SV2C: variants seen among roughly 807,000 people sequenced by gnomAD.
SV2C encodes the protein synaptic vesicle glycoprotein 2C.
In SV2C, 49 loss-of-function variants were observed where a neutral mutation model predicts 79.7. The observed-to-expected ratio is 0.61, with a 90% confidence interval of 0.49 to 0.78. The LOEUF is 0.78. Ranked by LOEUF, SV2C falls within the 30% of genes least tolerant of loss-of-function variation. SV2C has a pLI of 0.00. For missense variants in SV2C, 833 were observed against 912.9 expected (o/e 0.91, Z 1.13); for synonymous variants, 334 against 333.2 (o/e 1.00, Z -0.03).
At chr5:76,026,881 G>A in the SV2C span, among the ~76,000 whole-genome samples, 19 of 152,078 alleles carry the variant, frequency 1.2e-4, no homozygotes, top group Non-Finnish European at 1.2e-4. Flanking sequence ...GGTGGATGAG[G>A]TGCAAATGGA....
In SV2C at chr5:76,235,049, T is replaced by C. The variant is rs150131025; in HGVS notation, c.913+25162T>C. On this transcript the variant is annotated intron_variant, in intron 4 of 12. Transcript: ENST00000502798. ...ATTTTGCTTTTAAAGCCAGCTAACA[T>C]TCCACTTTTCCTATCGTAATTAACT... Among the ~76,000 whole-genome samples the C allele has an allele frequency of 6.6e-5, 10 of 152,320 alleles. No homozygotes were observed. In the East Asian group the frequency reaches 1.9e-3, roughly 29 times the overall value.
chr5:76,312,625 C>T (rs1304001139), intron 12 of SV2C, among the ~76,000 whole-genome samples: 1 of 152,196 alleles, frequency 6.6e-6, no homozygotes, highest in Admixed American at 6.5e-5. Context: ...ATGCAGCCCA[C>T]GCTCTCAGGG....
the SV2C span, among the ~76,000 whole-genome samples, chr5:76,069,146 G>A: frequency 5.3e-5 from 8 of 152,196 alleles, no homozygotes; most frequent in Non-Finnish European, 1.2e-4. Flanking sequence ...CATAAGAAAT[G>A]AGCAGAAGAA....
the SV2C span, among the ~76,000 whole-genome samples, chr5:75,936,837 G>A: frequency 6.6e-6 from 1 of 152,186 alleles, no homozygotes; most frequent in Admixed American, 6.5e-5. Context: ...GGAACTGATT[G>A]CCAGTTGAGC....
chr5:76,222,111 G>A (rs924768760), intron 4 of SV2C, among the ~76,000 whole-genome samples: 2 of 152,178 alleles, frequency 1.3e-5, no homozygotes, highest in African/African-American at 4.8e-5. Context: ...CTGGAAAGTG[G>A]TTTGACAGTT....
intron 4 of SV2C, among the ~76,000 whole-genome samples, chr5:76,249,754 G>C (rs540075336): frequency 6.6e-6 from 1 of 152,304 alleles, no homozygotes; most frequent in East Asian, 1.9e-4. Flanking sequence ...AATGATGGCA[G>C]GTAGGTGTGT....
chr5:76,116,132 A>G (rs1748257370), intron 1 of SV2C, among the ~76,000 whole-genome samples: 1 of 152,216 alleles, frequency 6.6e-6, no homozygotes, highest in South Asian at 2.1e-4. Flanking sequence ...ATTTGAATTT[A>G]AATTACTGTA....
chr5:76,215,112 A>T (rs1295437274), intron 4 of SV2C, among the ~76,000 whole-genome samples: 1 of 152,184 alleles, frequency 6.6e-6, no homozygotes, highest in Non-Finnish European at 1.5e-5. Flanking sequence ...GATTTTCACC[A>T]TCGAGTATGT....
intron 4 of SV2C, among the ~76,000 whole-genome samples, chr5:76,260,358 A>G (rs573095067): frequency 1.5e-4 from 23 of 152,126 alleles, no homozygotes; most frequent in African/African-American, 5.5e-4. Flanking sequence ...TGTCAGATGG[A>G]TAGATTGCAA....
the SV2C span, among the ~76,000 whole-genome samples, chr5:76,016,098 C>G: frequency 6.6e-6 from 1 of 151,860 alleles, no homozygotes; most frequent in African/African-American, 2.4e-5. Flanking sequence ...TAGTCTCTCT[C>G]CATCTTTCAT....
At chr5:75,967,146 C>A in the SV2C span, among the ~76,000 whole-genome samples, 1 of 152,084 alleles carries the variant, frequency 6.6e-6, no homozygotes, top group African/African-American at 2.4e-5. Flanking sequence ...CCAGCCTGAG[C>A]AACATGGTGA....
At chr5:75,912,824 CAGGATAAAT>C in the SV2C span, among the ~76,000 whole-genome samples, 1 of 152,178 alleles carries the variant, frequency 6.6e-6, no homozygotes, top group African/African-American at 2.4e-5. Flanking sequence ...AGAATTATTT[CAGGATAAAT>C]CCAAAGTAAG....
At chr5:75,881,173 A>C in the SV2C span, among the ~76,000 whole-genome samples, 3 of 152,126 alleles carry the variant, frequency 2.0e-5, no homozygotes, top group South Asian at 4.2e-4. Context: ...CCATATCCAA[A>C]ACTGGGGATT....
At chr5:76,215,951 G>A (rs534221726) in intron 4 of SV2C, among the ~76,000 whole-genome samples, 1 of 152,136 alleles carries the variant, frequency 6.6e-6, no homozygotes, top group Non-Finnish European at 1.5e-5. Context: ...CTGATGCTGT[G>A]AGACTGGAAT....
At chr5:76,090,582 A>G (rs1012613978) in intron 1 of SV2C, among the ~76,000 whole-genome samples, 5 of 152,106 alleles carry the variant, frequency 3.3e-5, no homozygotes, top group Non-Finnish European at 7.3e-5. Flanking sequence ...GCTTTTAAAG[A>G]CTATATCCTT....
At chr5:76,347,489 A>C (rs918153830) in intron 12 of SV2C, among the ~76,000 whole-genome samples, 1 of 152,080 alleles carries the variant, frequency 6.6e-6, no homozygotes, top group African/African-American at 2.4e-5. Flanking sequence ...CTGTCGCCCA[A>C]GCTGGAGTGC....
the SV2C span, among the ~76,000 whole-genome samples, chr5:75,896,125 C>T: frequency 6.6e-6 from 1 of 151,734 alleles, no homozygotes; most frequent in Non-Finnish European, 1.5e-5. Context: ...AGGTTTGTTA[C>T]ATATGTATAC....
intron 2 of SV2C, among the ~76,000 whole-genome samples, chr5:76,152,497 C>A (rs892452115): frequency 6.6e-6 from 1 of 152,176 alleles, no homozygotes; most frequent in African/African-American, 2.4e-5. Context: ...CTGCTGCTAT[C>A]TCATTTTATT....
intron 4 of SV2C, among the ~76,000 whole-genome samples, chr5:76,225,592 CA>C (rs149642946): frequency 6.6e-6 from 1 of 151,380 alleles, no homozygotes; most frequent in African/African-American, 2.4e-5. Context: ...CTTAATCAAA[CA>C]AAAAAAATTG....
Sources: allele counts gnomAD v4.1 joint callset (sites outside exome capture counted in the v4.1 genomes callset), GRCh38; gene constraint gnomAD v4.1.1; transcripts MANE v1.5; gene names NCBI Gene and HGNC (gene_info 2026-07-23, HGNC 2026-07-21).